Variants in SNTG2 observed in about 807,000 individuals in gnomAD.
SNTG2 encodes syntrophin gamma 2.
A neutral mutation model predicts 70.9 loss-of-function variants in SNTG2; 74 were observed. That is an observed-to-expected ratio of 1.04 (90% CI 0.86 to 1.27). The LOEUF (loss-of-function observed/expected upper bound fraction) is 1.27, where lower values mean the gene tolerates loss of function less well. SNTG2 is among the 50% of genes most tolerant of loss of function. SNTG2 has a pLI of 0.00. For missense variants in SNTG2, 717 were observed against 690.7 expected, an observed-to-expected ratio of 1.04 and a Z score of -0.43; for synonymous variants, 278 against 273.8, an observed-to-expected ratio of 1.02 and a Z score of -0.15.
intron 16 of SNTG2, chr2:1,341,293 G>A (rs1660073064): frequency 6.6e-6 from 1 of 152,198 alleles, no homozygotes; most frequent in South Asian, 2.1e-4. Flanking sequence ...CACCCCTACA[G>A]CAGAAACACA....
At chr2:1,316,711 C>G (rs35574555) in intron 16 of SNTG2, among the ~76,000 whole-genome samples, 10,434 of 55,362 alleles carry the variant, frequency 0.19, 632 homozygotes, top group Middle Eastern at 0.26. Flanking sequence ...GGCCAGCATT[C>G]GAGAAGGTTG....
chr2:1,031,528 A>ATTTTTTTTTTTTTTT (rs745388505), intron 1 of SNTG2, among the ~76,000 whole-genome samples: 2 of 59,138 alleles, frequency 3.4e-5, no homozygotes, highest in Admixed American at 2.1e-4. Flanking sequence ...ATATATATAT[A>ATTTTTTTTTTTTTTT]TTTTTTTTTT....
At chr2:1,044,520 G>A (rs985238017) in intron 1 of SNTG2, among the ~76,000 whole-genome samples, 1 of 152,182 alleles carries the variant, frequency 6.6e-6, no homozygotes, top group Admixed American at 6.5e-5. Flanking sequence ...GTTGTTGGCT[G>A]TGGGTTTGTC....
chr2:1,081,249 T>C (rs6548182), intron 1 of SNTG2, among the ~76,000 whole-genome samples: 119,063 of 152,122 alleles, frequency 0.78, 46,904 homozygotes, highest in Admixed American at 0.88. Context: ...GGATGCCCAC[T>C]TGTCATCAGG....
intron 9 of SNTG2, among the ~76,000 whole-genome samples, chr2:1,216,001 G>A (rs1674365028): frequency 2.0e-5 from 3 of 152,256 alleles, no homozygotes; most frequent in South Asian, 4.2e-4. Flanking sequence ...TGTGAATAGT[G>A]CCACATTGAA....
chr2:1,347,261 AT>A, intron 16 of SNTG2, among the ~76,000 whole-genome samples: 1 of 152,264 alleles, frequency 6.6e-6, no homozygotes, highest in African/African-American at 2.4e-5. Flanking sequence ...GAGTAAGAAG[AT>A]CAAAACTTGA....
intron 7 of SNTG2, among the ~76,000 whole-genome samples, chr2:1,166,831 G>A (rs778668272): frequency 3.9e-5 from 6 of 152,176 alleles, no homozygotes; most frequent in East Asian, 3.9e-4. Flanking sequence ...GCAGAGGAGC[G>A]GAAGAGTATG....
chr2:1,017,730 C>T (rs1659950655), intron 1 of SNTG2, among the ~76,000 whole-genome samples: 1 of 152,166 alleles, frequency 6.6e-6, no homozygotes, highest in Non-Finnish European at 1.5e-5. Flanking sequence ...TTTTAATTTA[C>T]TTGGTTTCTG....
chr2:1,031,528 A>ATATATATATATTTATTTTTTTTT, intron 1 of SNTG2, among the ~76,000 whole-genome samples: 1 of 59,142 alleles, frequency 1.7e-5, no homozygotes, highest in Non-Finnish European at 3.1e-5. Flanking sequence ...ATATATATAT[A>ATATATATATATTTATTTTTTTTT]TTTTTTTTTT....
chr2:1,062,284 T>C (rs1005356775), intron 1 of SNTG2, among the ~76,000 whole-genome samples: 2 of 152,180 alleles, frequency 1.3e-5, no homozygotes, highest in Admixed American at 1.3e-4. Flanking sequence ...GGATATACTT[T>C]TGTTGTTGTC....
At chr2:1,221,909 G>GTCTCTCTC in intron 9 of SNTG2, among the ~76,000 whole-genome samples, 4 of 6,342 alleles carry the variant, frequency 6.3e-4, no homozygotes, top group Non-Finnish European at 1.0e-3. Flanking sequence ...CTCTGTCTCT[G>GTCTCTCTC]TCTCTGTCTC....
chr2:1,144,561 A>T (rs1668974059), intron 6 of SNTG2, among the ~76,000 whole-genome samples: 1 of 152,226 alleles, frequency 6.6e-6, no homozygotes, highest in African/African-American at 2.4e-5. Context: ...ATTTATAAAG[A>T]AAAAGAGGCT....
chr2:985,583 G>C (rs930422386), intron 1 of SNTG2, among the ~76,000 whole-genome samples: 1 of 152,062 alleles, frequency 6.6e-6, no homozygotes. Flanking sequence ...AACTTTGGGG[G>C]ATATGCACAG....
intron 2 of SNTG2, among the ~76,000 whole-genome samples, chr2:1,090,941 C>T (rs770638709): frequency 1.3e-5 from 2 of 152,158 alleles, no homozygotes; most frequent in African/African-American, 2.4e-5. Context: ...TTCTATCTAC[C>T]GGGAGACTGC....
At position 960,948 on chromosome 2, in the gene SNTG2, G is replaced by C. The variant is rs76890941; in HGVS notation, c.72+9880G>C. On this transcript the variant is annotated intron_variant, in intron 1 of 16. Coordinates refer to ENST00000308624, the MANE Select transcript of SNTG2 (RefSeq NM_018968.4). ...CTGCCACTCCAGGGCACAGCCCCTG[G>C]TTTGTCTGTTCCTGTCACTCCCCGC... 2.6e-5 allele frequency among the ~76,000 whole-genome samples: 4 copies of C among 152,322 alleles called. No individual in the cohort carries two copies. The East Asian group carries it at 7.7e-4, about 29-fold the overall frequency.
chr2:1,002,884 TTATA>T (rs756474389), intron 1 of SNTG2, among the ~76,000 whole-genome samples: 4 of 148,944 alleles, frequency 2.7e-5, no homozygotes, highest in Non-Finnish European at 4.5e-5. Flanking sequence ...AAAGAAAATG[TTATA>T]TATATATATA....
chr2:1,049,876 G>C (rs1410628135), intron 1 of SNTG2, among the ~76,000 whole-genome samples: 1 of 152,138 alleles, frequency 6.6e-6, no homozygotes, highest in Non-Finnish European at 1.5e-5. Flanking sequence ...GTTTTAACTG[G>C]CAGTTCTCCA....
intron 16 of SNTG2, among the ~76,000 whole-genome samples, chr2:1,340,724 A>T (rs1660041953): frequency 6.6e-6 from 1 of 152,236 alleles, no homozygotes; most frequent in Non-Finnish European, 1.5e-5. Flanking sequence ...TTATAAAAGC[A>T]TCCTAGGTTT....
At chr2:1,168,073 A>G (rs1352653060) in intron 7 of SNTG2, among the ~76,000 whole-genome samples, 1 of 135,976 alleles carries the variant, frequency 7.4e-6, no homozygotes, top group Admixed American at 7.1e-5. Flanking sequence ...CAGACGGCAG[A>G]ACTGAAACCT....
Sources: gnomAD v4.1 joint callset for allele counts (sites outside exome capture counted in the v4.1 genomes callset) on GRCh38, gnomAD v4.1.1 for gene constraint, MANE v1.5 for transcripts, NCBI Gene and HGNC (gene_info 2026-07-23, HGNC 2026-07-21) for gene names.